The following PLEKHG5 variants were observed in gnomAD, a reference collection of about 807,000 sequenced individuals.
PLEKHG5 encodes pleckstrin homology domain-containing family G member 5.
In PLEKHG5, 52 loss-of-function variants were observed where a neutral mutation model predicts 103.8. The observed-to-expected ratio is 0.50, with a 90% CI of 0.40 to 0.63. The LOEUF (loss-of-function observed/expected upper bound fraction) is 0.63, where lower values mean the gene tolerates loss of function less well. Ranked by LOEUF, PLEKHG5 falls within the 30% of genes least tolerant of loss-of-function variation. PLEKHG5 has a pLI of 0.00. For missense variants in PLEKHG5, 1,205 were observed against 1,347.6 expected (o/e 0.89, Z 1.66); for synonymous variants, 592 against 575.5 (o/e 1.03, Z -0.41).
chr1:6,481,136 C>T (rs1376048079), intron 1 of PLEKHG5, among the ~76,000 whole-genome samples: 1 of 152,156 alleles, frequency 6.6e-6, no homozygotes, highest in African/African-American at 2.4e-5. Flanking sequence ...CCCCATCCCC[C>T]ACAATATGTT....
chr1:6,487,037 G>A lies in PLEKHG5; in HGVS notation c.-88+4600C>T, dbSNP rs2148616529. On this transcript the variant is annotated intron_variant, in intron 1 of 20. Coordinates refer to ENST00000377728, the MANE Select transcript of PLEKHG5 (RefSeq NM_020631.6). This position sits in a 1 kb window ranked among gnomAD's most constrained non-coding sequence, Gnocchi z 4.1. ...GGCAGCAGCGTTTTATTAGAGGCTG[G>A]GAGACTTCCAGGGCTGTCTCCACTC... Among the ~76,000 whole-genome samples the A allele has an allele frequency of 6.6e-6, 1 of 152,286 alleles. No homozygotes were observed. The highest frequency in any genetic ancestry group is 6.5e-5 in the Admixed American group (1 of 15,298).
At chr1:6,492,698 C>T (rs1645168645), upstream of PLEKHG5, among the ~76,000 whole-genome samples, 1 of 152,150 alleles carries the variant, frequency 6.6e-6, no homozygotes, top group Non-Finnish European at 1.5e-5. Flanking sequence ...AGATGAGGAA[C>T]CTGGGGTTCA....
intron 1 of PLEKHG5, among the ~76,000 whole-genome samples, chr1:6,518,559 C>CAAAA (rs772093142): frequency 1.5e-5 from 1 of 68,096 alleles, no homozygotes; most frequent in Non-Finnish European, 3.2e-5. Context: ...AACTCCATCC[C>CAAAA]AAAAAAAAAA....
chr1:6,481,288 TG>T (rs1644889835), intron 1 of PLEKHG5, among the ~76,000 whole-genome samples: 1 of 152,064 alleles, frequency 6.6e-6, no homozygotes, highest in African/African-American at 2.4e-5. Context: ...CCCAGCACTT[TG>T]GGAGGCCGAG....
rs959755898 is a variant in PLEKHG5, at chr1:6,467,420, G to A, written c.*143C>T. 19 of 897,272 alleles carry A rather than the reference G, an allele frequency of 2.1e-5. No homozygotes were observed. Among genetic ancestry groups the A allele is most frequent in the Middle Eastern group, 2.5e-4 (1 of 3,962 alleles). The allele number at this position is 897,272 out of a possible 1,614,324, so 55.6% of individuals were successfully genotyped here. On this transcript the variant is annotated 3_prime_UTR_variant, in exon 21 of 21. Coordinates refer to ENST00000377728, the MANE Select transcript of PLEKHG5 (RefSeq NM_020631.6). ...CATCCAGTCCGGCAAAGCGCAAATCGGGCCCGGGCGTAGGCAGGGATCCTG... is the reference window on the plus strand; with the variant it reads ...CATCCAGTCCGGCAAAGCGCAAATCAGGCCCGGGCGTAGGCAGGGATCCTG...
At chr1:6,476,088 C>A in intron 2 of PLEKHG5, 52 bp from the exon 3 acceptor site, 3 of 1,501,166 alleles carry the variant, frequency 2.0e-6, no homozygotes, top group Non-Finnish European at 2.8e-6. Context: ...CCTTAGCCTG[C>A]AGCATGGCTG....
Position 6,510,686 on chromosome 1 carries a change from T to C in PLEKHG5, c.-165+8759A>G, listed in dbSNP as rs570476362. 2.4e-4 allele frequency among the ~76,000 whole-genome samples: 37 copies of C among 152,246 alleles called. No homozygotes were observed. In the South Asian group the frequency reaches 7.1e-3, roughly 29 times the overall value. On this transcript the variant is annotated intron_variant, in intron 1 of 21. Transcript: ENST00000377740. ...AGTGACCCTGGGGGCGGGGGCCAGG[T>C]GGGGCGGAGGCCAACCCACCAGCCA... is the stretch of plus-strand genomic sequence containing the variant.
At chr1:6,474,278 GC>G (rs1388117338) in intron 6 of PLEKHG5, 114 bp from the exon 7 acceptor site, 34 of 1,348,838 alleles carry the variant, frequency 2.5e-5, no homozygotes, top group Non-Finnish European at 3.5e-5. Context: ...TCCCCCGACA[GC>G]CCCGCCCTGC....
At chr1:6,476,116 G>A in intron 2 of PLEKHG5, 80 bp from the exon 3 acceptor site, 8 of 1,210,654 alleles carry the variant, frequency 6.6e-6, no homozygotes, top group Non-Finnish European at 9.6e-6. Flanking sequence ...AGGGACCACA[G>A]CCTGTTACCC....
Position 6,468,014 on chromosome 1 carries a change from A to G in PLEKHG5, c.2822T>C (p.Leu941Pro), listed in dbSNP as rs1290208455. The G allele has an allele frequency of 1.3e-6, 2 of 1,551,800 alleles. No homozygotes were observed. The highest frequency in any genetic ancestry group is 1.7e-6 in the Non-Finnish European group (2 of 1,150,014). Residue 941 changes from leucine (L) to proline (P), a missense_variant, in exon 20 of 21, where the codon CTA (leucine) becomes CCA (proline). Coordinates refer to ENST00000377728, the MANE Select transcript of PLEKHG5 (RefSeq NM_020631.6). ...AGGTTCCCCGGCCAGGCAGCCGACT[A>G]GCCCAGGACCGCTGCCAGGGCTAGG... ...GAPSPGSGPG[L>P]VGCLAGEPAG...
At chr1:6,469,761 C>A (rs946103555) in intron 16 of PLEKHG5, 85 bp from the exon 17 acceptor site, 4 of 1,372,420 alleles carry the variant, frequency 2.9e-6, no homozygotes, top group South Asian at 1.3e-5. Flanking sequence ...TGGGAGCACT[C>A]GGTTTTTGTC....
intron 1 of PLEKHG5, among the ~76,000 whole-genome samples, chr1:6,484,333 G>T (rs892422373): frequency 6.6e-6 from 1 of 152,158 alleles, no homozygotes; most frequent in Non-Finnish European, 1.5e-5. Flanking sequence ...GCCAGGGGCT[G>T]GTGCCCAGGC....
upstream of PLEKHG5, among the ~76,000 whole-genome samples, chr1:6,494,470 C>T (rs1053143337): frequency 2.0e-5 from 3 of 151,708 alleles, no homozygotes; most frequent in Non-Finnish European, 4.4e-5. Flanking sequence ...CCCTATATTG[C>T]CCAGGTTGGC....
intron 1 of PLEKHG5, among the ~76,000 whole-genome samples, chr1:6,488,453 G>C (rs1167996077): frequency 6.6e-6 from 1 of 152,214 alleles, no homozygotes; most frequent in African/African-American, 2.4e-5. Flanking sequence ...AAGCCAGCTT[G>C]TGGGGAGCCC....
chr1:6,485,492 G>T, intron 1 of PLEKHG5: 1 of 1,241,574 alleles, frequency 8.1e-7, no homozygotes, highest in Non-Finnish European at 1.0e-6. Context: ...ACAAAGCGCG[G>T]AGCCCCGCTT....
intron 1 of PLEKHG5, among the ~76,000 whole-genome samples, chr1:6,481,101 G>A (rs1032253690): frequency 1.3e-5 from 2 of 152,092 alleles, no homozygotes; most frequent in African/African-American, 2.4e-5. Flanking sequence ...GACAACAATG[G>A]CCTCAAAACT....
Position 6,485,330 on chromosome 1 carries a change from A to T in PLEKHG5, c.-88+6307T>A, listed in dbSNP as rs75490131. The stretch of plus-strand genomic sequence containing the variant: ...CCCCGTCCCGGCCCCGTACCTGGCT[A>T]TCACCGTCGCGGGCACGACCCCCGG... On this transcript the variant is annotated intron_variant, in intron 1 of 20. Coordinates refer to ENST00000377728, the MANE Select transcript of PLEKHG5 (RefSeq NM_020631.6). The T allele has an allele frequency of 0.15, 206,806 of 1,422,780 alleles. 21,881 individuals carry two copies. Among genetic ancestry groups the T allele is most frequent in the African/African-American group, 0.55 (36,190 of 66,248 alleles). 88.1% of individuals were successfully genotyped at this position (1,422,780 alleles called of 1,614,324 possible). A position where few individuals can be genotyped will look rare whatever the true frequency, so the allele number is the denominator to read the frequency against.
chr1:6,479,564 G>A (rs994736226), intron 1 of PLEKHG5, among the ~76,000 whole-genome samples: 5 of 151,744 alleles, frequency 3.3e-5, no homozygotes, highest in Non-Finnish European at 5.9e-5. Context: ...GGGATTACAC[G>A]CGTGAGCCAC....
upstream of PLEKHG5, among the ~76,000 whole-genome samples, chr1:6,497,609 G>A (rs1289336125): frequency 6.6e-6 from 1 of 152,076 alleles, no homozygotes; most frequent in Non-Finnish European, 1.5e-5. This position sits in a 1 kb window ranked among gnomAD's most constrained non-coding sequence, Gnocchi z 6.1. Context: ...GCGGGCACCG[G>A]GGCGGCTCAG....
Sources: gnomAD v4.1 joint callset for allele counts (sites outside exome capture counted in the v4.1 genomes callset) on GRCh38, gnomAD v4.1.1 for gene constraint, Gnocchi (gnomAD v3.1) non-coding constraint, MANE v1.5 for transcripts, NCBI Gene and HGNC (gene_info 2026-07-23, HGNC 2026-07-21) for gene names.